Variants in LRCH1 observed in about 807,000 individuals in gnomAD.
The protein encoded by LRCH1 is leucine rich repeats and calponin homology domain containing 1.
A neutral mutation model predicts 94.9 loss-of-function variants in LRCH1; 23 were observed. That is an observed-to-expected ratio of 0.24 (90% CI 0.17 to 0.34). LRCH1 has a LOEUF of 0.34. Among genes scored for constraint, LRCH1 ranks in the 10% least tolerant of loss-of-function variants. LRCH1 has a pLI of 1.00. For synonymous variants in LRCH1, 364 were observed against 354.9 expected (o/e 1.03, Z -0.29); for missense variants, 790 against 945.9 (o/e 0.84, Z 2.16).
At chr13:46,705,512 A>T (rs928077721) in intron 13 of LRCH1, 1 of 693,428 alleles carries the variant, frequency 1.4e-6, no homozygotes, top group South Asian at 1.5e-5. Flanking sequence ...TCTGTTGAAG[A>T]TGAGAGTTGG....
chr13:46,563,055 G>A (rs932184613), intron 1 of LRCH1, among the ~76,000 whole-genome samples: 2 of 152,190 alleles, frequency 1.3e-5, no homozygotes, highest in Non-Finnish European at 2.9e-5. Flanking sequence ...TGTTCGATAA[G>A]CAATGTTACA....
chr13:46,654,292 C>T (rs750664941), intron 2 of LRCH1, among the ~76,000 whole-genome samples: 1 of 152,212 alleles, frequency 6.6e-6, no homozygotes, highest in Non-Finnish European at 1.5e-5. Flanking sequence ...GTGATGACAA[C>T]GTGATGTCTC....
intron 16 of LRCH1, among the ~76,000 whole-genome samples, chr13:46,721,821 C>T (rs750048727): frequency 5.3e-5 from 8 of 152,094 alleles, no homozygotes; most frequent in Admixed American, 1.3e-4. Context: ...ACTCTCAAGT[C>T]GACGATTTAA....
intron 1 of LRCH1, among the ~76,000 whole-genome samples, chr13:46,608,692 A>C (rs992508215): frequency 6.6e-6 from 1 of 152,052 alleles, no homozygotes; most frequent in African/African-American, 2.4e-5. Context: ...ATACCATTGA[A>C]ATTTAGTTAC....
Position 46,742,071 on chromosome 13 carries a change from G to A in LRCH1, c.*223G>A, listed in dbSNP as rs1873690496. On this transcript the variant is annotated 3_prime_UTR_variant, in exon 20 of 20. Transcript: ENST00000389797. ...TCACTTACTGAAATACAACGACGAC[G>A]ACTGCAAAGTGTATGCACACCGCAT... is the stretch of plus-strand genomic sequence containing the variant. 1.4e-6 allele frequency: 2 copies of A among 1,397,100 alleles called. No individual in the cohort carries two copies. Among genetic ancestry groups the A allele is most frequent in the South Asian group, 1.5e-5 (1 of 64,944 alleles). The allele number at this position is 1,397,100 out of a possible 1,614,324, so 86.5% of individuals were successfully genotyped here.
At chr13:46,607,112 G>A (rs1280236278) in intron 1 of LRCH1, among the ~76,000 whole-genome samples, 3 of 152,158 alleles carry the variant, frequency 2.0e-5, no homozygotes, top group African/African-American at 4.8e-5. Context: ...GAGATTTAGG[G>A]CAGGGGAAAT....
intron 17 of LRCH1, among the ~76,000 whole-genome samples, chr13:46,726,567 A>T (rs1436663643): frequency 6.6e-6 from 1 of 152,154 alleles, no homozygotes; most frequent in Non-Finnish European, 1.5e-5. Flanking sequence ...CCTCACCCAC[A>T]CCAGCAAGGG....
In LRCH1 at chr13:46,709,453, A is replaced by T. The variant is rs376129800; in HGVS notation, c.1528-2338A>T. 8.5e-5 allele frequency among the ~76,000 whole-genome samples: 13 copies of T among 152,260 alleles called. No homozygotes were observed. In the South Asian group the frequency reaches 1.4e-3, roughly 17 times the overall value. On this transcript the variant is annotated intron_variant, in intron 13 of 19. Transcript: ENST00000389797. ...CCAGCTACTGCACCCTTGCCTCCAG[A>T]GTGAATTTTCTGCTCTAATTGGGCA...
intron 1 of LRCH1, among the ~76,000 whole-genome samples, chr13:46,638,190 A>G (rs1022968277): frequency 3.3e-5 from 5 of 152,330 alleles, no homozygotes; most frequent in Middle Eastern, 3.4e-3. Flanking sequence ...ATTACTATGG[A>G]TTTGCAAATC....
rs373589109 is a variant in LRCH1, at chr13:46,553,464, T to C, written c.68T>C (p.Leu23Pro). 6.5e-7 allele frequency: 1 copy of C among 1,548,908 alleles called. No homozygotes were observed. The highest frequency in any genetic ancestry group is 8.7e-7 in the Non-Finnish European group (1 of 1,146,114). The change falls in exon 1 of 20, where the codon CTT (leucine) becomes CCT (proline). Residue 23 changes from leucine (L) to proline (P), a missense_variant. Around this residue, in one of 3 missense-constraint regions of LRCH1, gnomAD observed 136 missense variants for 143.5 expected, o/e 0.95. Transcript: ENST00000389797. ...PALSVATLHP[L>P]HHPHHHHHHH... ...CTTTCGGTAGCTACTCTGCACCCAC[T>C]TCATCATCCCCACCACCACCACCAC...
chr13:46,661,225 A>G (rs1186738981), intron 2 of LRCH1, among the ~76,000 whole-genome samples: 1 of 152,168 alleles, frequency 6.6e-6, no homozygotes, highest in African/African-American at 2.4e-5. Context: ...CCCGGTTTCA[A>G]ACCTGAACAC....
At chr13:46,600,618 T>TACACACACACACACAC (rs3068695) in intron 1 of LRCH1, among the ~76,000 whole-genome samples, 3,757 of 143,202 alleles carry the variant, frequency 0.026, 63 homozygotes, top group South Asian at 0.031. Context: ...TGACCAGATT[T>TACACACACACACACAC]ACACACACAC....
intron 2 of LRCH1, among the ~76,000 whole-genome samples, chr13:46,664,928 C>T (rs1373731360): frequency 1.3e-5 from 2 of 152,168 alleles, no homozygotes; most frequent in Non-Finnish European, 1.5e-5. Flanking sequence ...CTCTCTTTAT[C>T]TCTTACTTAA....
At chr13:46,701,396 A>T (rs550150107) in intron 11 of LRCH1, among the ~76,000 whole-genome samples, 189 bp downstream of exon 11, 1 of 152,292 alleles carries the variant, frequency 6.6e-6, no homozygotes, top group South Asian at 2.1e-4. Context: ...TTCTGGAGGG[A>T]GTGAGATCAA....
intron 3 of LRCH1, among the ~76,000 whole-genome samples, chr13:46,678,911 ACC>A (rs2051712999): frequency 6.6e-6 from 1 of 152,198 alleles, no homozygotes; most frequent in Non-Finnish European, 1.5e-5. Context: ...ATAACGTGCT[ACC>A]TAAATGTATC....
intron 8 of LRCH1, among the ~76,000 whole-genome samples, chr13:46,693,643 G>A (rs1338418181): frequency 6.6e-6 from 1 of 152,186 alleles, no homozygotes; most frequent in Non-Finnish European, 1.5e-5. Flanking sequence ...TGAAAATTCT[G>A]TGGCTCTTTA....
At chr13:46,731,651 AT>A (rs1012981949) in intron 18 of LRCH1, among the ~76,000 whole-genome samples, 4 of 152,296 alleles carry the variant, frequency 2.6e-5, no homozygotes, top group African/African-American at 7.2e-5. Context: ...TACATGTCCA[AT>A]TATCAAAAAT....
chr13:46,733,667 C>A (rs1873224947), intron 18 of LRCH1, among the ~76,000 whole-genome samples: 1 of 151,754 alleles, frequency 6.6e-6, no homozygotes, highest in Non-Finnish European at 1.5e-5. Flanking sequence ...TATACATAGG[C>A]ATATATGTAT....
At chr13:46,695,160 C>T in intron 9 of LRCH1, 143 bp downstream of exon 9, 1 of 944,922 alleles carries the variant, frequency 1.1e-6, no homozygotes, top group Non-Finnish European at 1.6e-6. Context: ...CATCTCAGCG[C>T]TCAGCGTGTC....
Sources: allele counts gnomAD v4.1 joint callset (sites outside exome capture counted in the v4.1 genomes callset), GRCh38; gene constraint gnomAD v4.1.1; regional missense constraint gnomAD v4.1.1; transcripts MANE v1.5; gene names NCBI Gene and HGNC (gene_info 2026-07-23, HGNC 2026-07-21).